Variants in SLC8A1 observed in about 807,000 individuals in gnomAD.
SLC8A1 encodes the protein sodium/calcium exchanger 1.
A neutral mutation model predicts 68.3 loss-of-function variants in SLC8A1; 18 were observed. The ratio of observed to expected loss-of-function variants is 0.26; its 90% CI spans 0.18 to 0.39. The LOEUF is 0.39. Ranked by LOEUF, SLC8A1 falls within the 10% of genes least tolerant of loss-of-function variation. The pLI is 1.00. For missense variants in SLC8A1, 985 were observed against 1,156.7 expected (o/e 0.85, Z 2.15); for synonymous variants, 475 against 415.5 (o/e 1.14, Z -1.74).
chr2:40,455,636 T>G (rs1702953968), upstream of SLC8A1, among the ~76,000 whole-genome samples: 1 of 152,212 alleles, frequency 6.6e-6, no homozygotes, highest in Admixed American at 6.5e-5. Flanking sequence ...GGTGAACCAT[T>G]GGGTTCCCAG....
chr2:40,404,293 T>G (rs1689661500), intron 2 of SLC8A1, among the ~76,000 whole-genome samples: 1 of 152,204 alleles, frequency 6.6e-6, no homozygotes, highest in African/African-American at 2.4e-5. Flanking sequence ...TCTTTAGTTG[T>G]GTATGCCTAT....
At chr2:40,414,574 T>A (rs920144425) in intron 2 of SLC8A1, among the ~76,000 whole-genome samples, 1 of 152,202 alleles carries the variant, frequency 6.6e-6, no homozygotes, top group South Asian at 2.1e-4. Flanking sequence ...CCTTGATTGA[T>A]CTTTCATTAT....
intron 2 of SLC8A1, among the ~76,000 whole-genome samples, chr2:40,234,791 T>A (rs569742095): frequency 6.6e-5 from 10 of 152,318 alleles, no homozygotes; most frequent in South Asian, 4.1e-4. Flanking sequence ...CCTAATTTAT[T>A]GAGAGTTCTT....
chr2:40,191,748 A>G (rs563228105), intron 2 of SLC8A1, among the ~76,000 whole-genome samples: 1 of 152,198 alleles, frequency 6.6e-6, no homozygotes, highest in South Asian at 2.1e-4. Context: ...GAAAATCTGT[A>G]AGTAAGCTTT....
intron 7 of SLC8A1, among the ~76,000 whole-genome samples, chr2:40,122,367 A>G (rs571153824): frequency 6.6e-6 from 1 of 152,304 alleles, no homozygotes; most frequent in Admixed American, 6.5e-5. Context: ...AGTTGAAAAA[A>G]GGAAACACAC....
intron 2 of SLC8A1, among the ~76,000 whole-genome samples, chr2:40,354,082 A>G (rs1559360200): frequency 6.6e-6 from 1 of 152,188 alleles, no homozygotes; most frequent in Non-Finnish European, 1.5e-5. Context: ...AAGTCAAATA[A>G]TAAATCCACA....
At chr2:40,463,086 G>C (rs1042625098) in intron 1 of SLC8A1, among the ~76,000 whole-genome samples, 1 of 152,192 alleles carries the variant, frequency 6.6e-6, no homozygotes, top group African/African-American at 2.4e-5. Flanking sequence ...AATTAACATT[G>C]TGGTAAGTGG....
intron 4 of SLC8A1, among the ~76,000 whole-genome samples, chr2:40,172,438 GA>G (rs2047662782): frequency 6.6e-6 from 1 of 152,196 alleles, no homozygotes; most frequent in East Asian, 1.9e-4. Flanking sequence ...AGAACTTAAT[GA>G]ACTAACTACA....
intron 2 of SLC8A1, among the ~76,000 whole-genome samples, chr2:40,283,786 A>G (rs2067856047): frequency 6.6e-6 from 1 of 152,182 alleles, no homozygotes; most frequent in South Asian, 2.1e-4. Flanking sequence ...GTTCCTAACA[A>G]TAGACGCCGA....
intron 2 of SLC8A1, among the ~76,000 whole-genome samples, chr2:40,243,076 A>T (rs193030525): frequency 2.6e-5 from 4 of 152,252 alleles, no homozygotes; most frequent in African/African-American, 9.6e-5. Flanking sequence ...GCAGGAATAC[A>T]GACATTGAAG....
At chr2:40,501,708 T>C (rs2149936772) in intron 1 of SLC8A1, among the ~76,000 whole-genome samples, 1 of 152,178 alleles carries the variant, frequency 6.6e-6, no homozygotes, top group African/African-American at 2.4e-5. Context: ...CTATTTTGGT[T>C]TGTGCTTCAT....
chr2:40,254,786 T>TTGAC (rs2063613358), intron 2 of SLC8A1: 1 of 152,222 alleles, frequency 6.6e-6, no homozygotes, highest in African/African-American at 2.4e-5. Flanking sequence ...TTTCACAAGA[T>TTGAC]TGACAGGCTC....
At chr2:40,403,330 T>C (rs1029401035) in intron 2 of SLC8A1, among the ~76,000 whole-genome samples, 1 of 152,186 alleles carries the variant, frequency 6.6e-6, no homozygotes, top group Admixed American at 6.5e-5. Flanking sequence ...ATGCTCTCGT[T>C]TCATGGTTAG....
At chr2:40,138,251 G>T (rs971727369) in intron 7 of SLC8A1, among the ~76,000 whole-genome samples, 13 of 152,164 alleles carry the variant, frequency 8.5e-5, no homozygotes, top group African/African-American at 3.1e-4. Context: ...TGAGTAGAAA[G>T]AAATACATGA....
chr2:40,445,192 G>A (rs1701222649), intron 1 of SLC8A1, among the ~76,000 whole-genome samples: 1 of 151,882 alleles, frequency 6.6e-6, no homozygotes, highest in African/African-American at 2.4e-5. Context: ...CACGGAAAAG[G>A]CTAAGTAATT....
chr2:40,386,844 C>T (rs1463412512), intron 2 of SLC8A1, among the ~76,000 whole-genome samples: 1 of 150,904 alleles, frequency 6.6e-6, no homozygotes, highest in Non-Finnish European at 1.5e-5. Context: ...AATAATGTAT[C>T]CCTAAAATAC....
chr2:40,103,531 A>C (rs995910529), exon 8 of SLC8A1: 2 of 152,194 alleles, frequency 1.3e-5, no homozygotes, highest in African/African-American at 4.8e-5. Flanking sequence ...CCTGTTTGTA[A>C]TTCACATACT....
intron 2 of SLC8A1, among the ~76,000 whole-genome samples, chr2:40,269,849 G>A (rs1226269421): frequency 1.3e-5 from 2 of 151,988 alleles, no homozygotes; most frequent in African/African-American, 4.8e-5. Flanking sequence ...ACAATGTGCA[G>A]GTTAGTTACA....
Position 40,217,213 on chromosome 2 carries a change from C to T in SLC8A1, c.1809-39358G>A, listed in dbSNP as rs141227208. ...GTTTCAGTTTTCTGCATATGGCTAA[C>T]CAGTTTTTCTACCACCATTTATTGA... On this transcript the variant is annotated intron_variant, in intron 2 of 7. Coordinates refer to ENST00000406785, the Ensembl canonical transcript of SLC8A1. Among the ~76,000 whole-genome samples, 333 of 152,272 alleles carry T rather than the reference C, an allele frequency of 2.2e-3. 1 individual carries two copies. Among genetic ancestry groups the T allele is most frequent in the Admixed American group, 4.1e-3 (62 of 15,300 alleles).
Sources: allele counts gnomAD v4.1 joint callset (sites outside exome capture counted in the v4.1 genomes callset), GRCh38; gene constraint gnomAD v4.1.1; transcripts MANE v1.5; gene names NCBI Gene and HGNC (gene_info 2026-07-23, HGNC 2026-07-21).